SUGCT: variants seen among roughly 807,000 people sequenced by gnomAD.
SUGCT encodes the protein succinyl-CoA:glutarate-CoA transferase.
In SUGCT, 41 loss-of-function variants were observed where a neutral mutation model predicts 55.0. That is an observed-to-expected ratio of 0.74 (90% confidence interval 0.58 to 0.97). The LOEUF (loss-of-function observed/expected upper bound fraction) is 0.97, where lower values mean the gene tolerates loss of function less well. Among genes scored for constraint, SUGCT ranks in the 50% least tolerant of loss-of-function variants. SUGCT has a pLI of 0.00. For missense variants in SUGCT, 568 were observed against 547.8 expected (o/e 1.04, Z -0.37); for synonymous variants, 187 against 200.4 (o/e 0.93, Z 0.56).
chr7:40,880,602 G>A, the SUGCT span, among the ~76,000 whole-genome samples: 1 of 152,144 alleles, frequency 6.6e-6, no homozygotes, highest in Non-Finnish European at 1.5e-5. Context: ...ATGCCATGTT[G>A]AATCATAGCT....
chr7:40,215,887 A>G (rs1787604183), intron 6 of SUGCT, among the ~76,000 whole-genome samples: 1 of 152,032 alleles, frequency 6.6e-6, no homozygotes, highest in African/African-American at 2.4e-5. Context: ...TAAGAGATTA[A>G]GCCATTAAGC....
the SUGCT span, among the ~76,000 whole-genome samples, chr7:40,898,480 C>CGGGGG: frequency 0.024 from 135 of 5,690 alleles, 34 homozygotes; most frequent in Non-Finnish European, 0.043. Flanking sequence ...TCCGGGAGGT[C>CGGGGG]GGGGGGGGGG....
the SUGCT span, among the ~76,000 whole-genome samples, chr7:40,928,140 T>C: frequency 6.6e-6 from 1 of 151,954 alleles, no homozygotes; most frequent in Non-Finnish European, 1.5e-5. Context: ...TTCCCACCCA[T>C]TTCTCCTTAA....
At chr7:40,291,561 C>T (rs1300957194) in intron 8 of SUGCT, among the ~76,000 whole-genome samples, 4 of 150,292 alleles carry the variant, frequency 2.7e-5, no homozygotes, top group South Asian at 2.1e-4. Flanking sequence ...TGTTAAATGG[C>T]GAGTTAATGG....
intron 13 of SUGCT, among the ~76,000 whole-genome samples, chr7:40,818,623 G>C (rs960241355): frequency 2.0e-5 from 3 of 152,182 alleles, no homozygotes; most frequent in African/African-American, 7.2e-5. Context: ...ATAAACACTG[G>C]AATTGGGATC....
intron 9 of SUGCT, among the ~76,000 whole-genome samples, chr7:40,389,469 A>ACAAACAAACAAACAAGCAAG (rs10660450): frequency 1.3e-5 from 2 of 148,514 alleles, no homozygotes; most frequent in Non-Finnish European, 3.0e-5. Context: ...AAACAAACAA[A>ACAAACAAACAAACAAGCAAG]CAAGCAAAAA....
the SUGCT span, among the ~76,000 whole-genome samples, chr7:40,923,001 A>G: frequency 6.6e-6 from 1 of 152,220 alleles, no homozygotes; most frequent in African/African-American, 2.4e-5. Flanking sequence ...GCCATTTTGT[A>G]TGTGCTTCTG....
chr7:40,439,576 T>A (rs1342416072), intron 9 of SUGCT, among the ~76,000 whole-genome samples: 1 of 152,190 alleles, frequency 6.6e-6, no homozygotes, highest in Non-Finnish European at 1.5e-5. Context: ...ATGTCAGTAT[T>A]CCAGTTGTGT....
chr7:40,180,092 A>T (rs1031488725), intron 1 of SUGCT, among the ~76,000 whole-genome samples: 1 of 152,036 alleles, frequency 6.6e-6, no homozygotes, highest in Non-Finnish European at 1.5e-5. Context: ...AATCACACGC[A>T]CTTCAAATAT....
chr7:40,363,696 G>A (rs1370945631), intron 9 of SUGCT, among the ~76,000 whole-genome samples: 1 of 152,050 alleles, frequency 6.6e-6, no homozygotes, highest in Non-Finnish European at 1.5e-5. Flanking sequence ...TATAATTTCT[G>A]TTCTTTTACA....
the SUGCT span, among the ~76,000 whole-genome samples, chr7:40,909,779 A>T: frequency 6.6e-6 from 1 of 152,144 alleles, no homozygotes; most frequent in Non-Finnish European, 1.5e-5. Flanking sequence ...GTTTGGACTC[A>T]TCTCGTGGCT....
At position 40,730,715 on chromosome 7, in the gene SUGCT, A is replaced by C. The variant is rs542601580; in HGVS notation, c.1090-18719A>C. Among the ~76,000 whole-genome samples, 5 of 152,288 alleles carry C rather than the reference A, an allele frequency of 3.3e-5. 1 individual carries two copies. In the South Asian group the frequency reaches 1.0e-3, roughly 32 times the overall value. On this transcript the variant is annotated intron_variant, in intron 12 of 13. Transcript: ENST00000335693. Reference sequence around the variant, plus strand: ...ACCACCCTCTCCCTTGGGTCCTGGCAACCACCATTCTACTCTATATTTCTG... The same window carrying C: ...ACCACCCTCTCCCTTGGGTCCTGGCCACCACCATTCTACTCTATATTTCTG...
At chr7:40,216,179 T>G (rs1787625822) in intron 6 of SUGCT, among the ~76,000 whole-genome samples, 1 of 151,882 alleles carries the variant, frequency 6.6e-6, no homozygotes. Flanking sequence ...TCATTTTGTC[T>G]TGGGGCAGAT....
At chr7:40,751,335 C>T (rs899411117) in intron 13 of SUGCT, among the ~76,000 whole-genome samples, 1 of 151,930 alleles carries the variant, frequency 6.6e-6, no homozygotes, top group Non-Finnish European at 1.5e-5. Flanking sequence ...TGTTTTCTCT[C>T]GTTTTAAGTA....
At chr7:40,726,557 A>ATAC (rs1242179170) in intron 12 of SUGCT, among the ~76,000 whole-genome samples, 1 of 152,146 alleles carries the variant, frequency 6.6e-6, no homozygotes, top group African/African-American at 2.4e-5. Flanking sequence ...ATTACCCAAT[A>ATAC]TGTACTAACC....
the SUGCT span, among the ~76,000 whole-genome samples, chr7:40,969,764 A>T: frequency 5.3e-5 from 8 of 152,146 alleles, no homozygotes; most frequent in African/African-American, 1.9e-4. Flanking sequence ...TTTGTTTTCT[A>T]CATCTGTTTT....
At chr7:40,892,871 T>G in the SUGCT span, among the ~76,000 whole-genome samples, 2 of 152,352 alleles carry the variant, frequency 1.3e-5, no homozygotes, top group Non-Finnish European at 2.9e-5. Context: ...CTTGACAGAA[T>G]GGCTGAATAG....
chr7:40,274,562 G>T lies in SUGCT; in HGVS notation c.626G>T (p.Gly209Val), dbSNP rs1389233535. The part of the protein sequence containing the change: ...PGVAMTDLAT[G>V]LYAYGAIMAG... ...GTAGCTATGACTGATCTTGCCACTG[G>T]CCTGTATGCATATGGAGCTATTATG... The change falls in exon 8 of 14, where the codon GGC becomes GTC. Residue 209 changes from glycine (G) to valine (V), a missense_variant. Gly to Val is a moderately radical substitution (Grantham distance 109). Coordinates refer to ENST00000335693, the MANE Select transcript of SUGCT (RefSeq NM_001193313.2). The T allele has an allele frequency of 6.2e-7, 1 of 1,613,546 alleles. No homozygotes were observed. Among genetic ancestry groups the T allele is most frequent in the Non-Finnish European group, 8.5e-7 (1 of 1,179,736 alleles).
intron 13 of SUGCT, among the ~76,000 whole-genome samples, chr7:40,798,215 A>G (rs1790642074): frequency 6.6e-6 from 1 of 152,124 alleles, no homozygotes; most frequent in South Asian, 2.1e-4. Flanking sequence ...GATCTTCTTG[A>G]CTGTAGGCTC....
Sources: gnomAD v4.1 joint callset for allele counts (sites outside exome capture counted in the v4.1 genomes callset) on GRCh38, gnomAD v4.1.1 for gene constraint, MANE v1.5 for transcripts, NCBI Gene and HGNC (gene_info 2026-07-23, HGNC 2026-07-21) for gene names.